Variants in RELN observed in about 807,000 individuals in gnomAD.
RELN encodes the protein reelin.
RELN carries 108 observed loss-of-function variants against 427.6 expected under a neutral mutation model. The ratio of observed to expected loss-of-function variants is 0.25; its 90% CI spans 0.22 to 0.30. The LOEUF (loss-of-function observed/expected upper bound fraction) is 0.30, where lower values mean the gene tolerates loss of function less well. Among genes scored for constraint, RELN ranks in the 10% least tolerant of loss-of-function variants. The pLI, the probability that RELN is intolerant of heterozygous loss-of-function variation, is 1.00. For synonymous variants in RELN, 1,524 were observed against 1,513.4 expected, an observed-to-expected ratio of 1.01 and a Z score of -0.16; for missense variants, 3,715 against 4,302.8, an observed-to-expected ratio of 0.86 and a Z score of 3.82.
intron 3 of RELN, among the ~76,000 whole-genome samples, chr7:103,777,395 G>C (rs1028655446): frequency 1.5e-4 from 23 of 152,082 alleles, no homozygotes; most frequent in Non-Finnish European, 2.4e-4. Flanking sequence ...TTGTCTCTAA[G>C]AAACTTGATT....
intron 46 of RELN, among the ~76,000 whole-genome samples, chr7:103,531,361 T>C (rs1040530195): frequency 6.6e-6 from 1 of 152,246 alleles, no homozygotes; most frequent in Non-Finnish European, 1.5e-5. Flanking sequence ...CTAATGTGTA[T>C]GGCAAGGAAT....
intron 1 of RELN, among the ~76,000 whole-genome samples, chr7:103,923,462 A>G (rs1795659072): frequency 6.8e-6 from 1 of 146,476 alleles, no homozygotes; most frequent in Non-Finnish European, 1.5e-5. Context: ...ACAACAGCAA[A>G]GAAAAAAAAA....
At chr7:103,715,078 G>A (rs1789904568) in intron 8 of RELN, among the ~76,000 whole-genome samples, 1 of 152,150 alleles carries the variant, frequency 6.6e-6, no homozygotes, top group Admixed American at 6.5e-5. Context: ...TAGACTTTAT[G>A]TCTATACCTC....
chr7:103,591,172 C>G (rs568339370), intron 27 of RELN, among the ~76,000 whole-genome samples: 2 of 152,312 alleles, frequency 1.3e-5, no homozygotes, highest in South Asian at 4.1e-4. Flanking sequence ...TACCTGCCAT[C>G]TTATATGAAT....
At chr7:103,849,148 T>A (rs1202711475) in intron 2 of RELN, among the ~76,000 whole-genome samples, 2 of 152,170 alleles carry the variant, frequency 1.3e-5, no homozygotes, top group Non-Finnish European at 2.9e-5. Context: ...TAATGAACAT[T>A]AATTAGTTTG....
chr7:103,507,081 A>G (rs1456207805), intron 51 of RELN, among the ~76,000 whole-genome samples: 1 of 152,156 alleles, frequency 6.6e-6, no homozygotes, highest in Admixed American at 6.5e-5. Context: ...ACACAATAAT[A>G]ATGGGAGATT....
intron 2 of RELN, among the ~76,000 whole-genome samples, chr7:103,840,002 A>G (rs1169460208): frequency 6.6e-6 from 1 of 151,970 alleles, no homozygotes; most frequent in Non-Finnish European, 1.5e-5. Context: ...AAAGTGTGTA[A>G]CACTTCTCTT....
rs565402795 is a variant in RELN, at chr7:103,558,519, G to T, written c.5530-470C>A. On this transcript the variant is annotated intron_variant, in intron 36 of 64. Coordinates refer to ENST00000428762, the MANE Select transcript of RELN (RefSeq NM_005045.4). ...TTTGCTCACTCTGACAGCCCCAGGGGCTCTCATTCAGGCTGACACAACAAC... is the reference window on the plus strand; with the variant it reads ...TTTGCTCACTCTGACAGCCCCAGGGTCTCTCATTCAGGCTGACACAACAAC... 2.0e-5 allele frequency among the ~76,000 whole-genome samples: 3 copies of T among 152,252 alleles called. No homozygotes were observed. The East Asian group carries it at 5.8e-4, about 29-fold the overall frequency.
rs980819957 is a variant in RELN at position 103,728,128 on chromosome 7, A to G, written c.736T>C (p.Tyr246His). The G allele has an allele frequency of 6.2e-7, 1 of 1,613,868 alleles. No individual in the cohort carries two copies. Residue 246 changes from tyrosine to histidine, a missense_variant, in exon 7 of 65, where the codon TAT (tyrosine) becomes CAT (histidine). Around this residue, in one of 4 missense-constraint regions of RELN, gnomAD observed 2,208 missense variants for 2,361.7 expected, o/e 0.93. Coordinates refer to ENST00000428762, the MANE Select transcript of RELN (RefSeq NM_005045.4). Reference protein sequence around the residue: ...HGNAVTFCEPYGPRELITTGL... With the variant: ...HGNAVTFCEPHGPRELITTGL... ...ATACTTACCAGTTCTCGTGGGCCAT[A>G]TGGTTCACAGAAGGTGACGGCATTG...
chr7:103,847,916 G>T (rs1793720421), intron 2 of RELN, among the ~76,000 whole-genome samples: 1 of 152,136 alleles, frequency 6.6e-6, no homozygotes, highest in Non-Finnish European at 1.5e-5. Context: ...GTTCTGGACA[G>T]GTAGCCAGCA....
chr7:103,677,134 C>T (rs756253675), intron 11 of RELN, among the ~76,000 whole-genome samples: 78 of 151,860 alleles, frequency 5.1e-4, no homozygotes, highest in Non-Finnish European at 9.0e-4. Context: ...AAGCTGGAAA[C>T]CATTATTCTC....
At chr7:103,680,763 T>C (rs565421163) in intron 11 of RELN, among the ~76,000 whole-genome samples, 3 of 152,070 alleles carry the variant, frequency 2.0e-5, no homozygotes, top group East Asian at 3.9e-4. Flanking sequence ...CAGTGGTTTC[T>C]GGCGTCTCAA....
At chr7:103,486,091 G>T in intron 61 of RELN, 106 bp downstream of exon 61, 1 of 1,035,146 alleles carries the variant, frequency 9.7e-7, no homozygotes, top group Non-Finnish European at 1.5e-6. Flanking sequence ...TCACTGCTTA[G>T]TGACATCTGT....
chr7:103,556,698 T>G (rs972985121), intron 38 of RELN, among the ~76,000 whole-genome samples: 8 of 152,214 alleles, frequency 5.3e-5, no homozygotes, highest in Non-Finnish European at 1.2e-4. Context: ...GCTGCTGCCA[T>G]GTAAGACATG....
intron 2 of RELN, among the ~76,000 whole-genome samples, chr7:103,882,656 T>C (rs903917223): frequency 2.6e-5 from 4 of 151,828 alleles, no homozygotes; most frequent in Admixed American, 2.6e-4. Context: ...GAGAATACTA[T>C]AAACACATCT....
At chr7:103,496,485 G>A in intron 56 of RELN, 41 bp downstream of exon 56, 1 of 1,613,638 alleles carries the variant, frequency 6.2e-7, no homozygotes, top group Non-Finnish European at 8.5e-7. Flanking sequence ...GCAGAAAAAT[G>A]GCTCACAGGA....
intron 20 of RELN, chr7:103,628,155 T>C (rs182553261): frequency 1.8e-4 from 28 of 152,350 alleles, no homozygotes; most frequent in African/African-American, 6.3e-4. Context: ...TTCAGAAGCA[T>C]AAAATTCTAA....
intron 8 of RELN, among the ~76,000 whole-genome samples, chr7:103,709,728 T>C (rs1050782470): frequency 2.0e-5 from 3 of 152,224 alleles, no homozygotes; most frequent in Admixed American, 1.3e-4. Context: ...ATATGAGTCA[T>C]AAACTGATGT....
chr7:103,743,851 C>G (rs977999321), intron 6 of RELN, among the ~76,000 whole-genome samples: 60 of 151,970 alleles, frequency 3.9e-4, no homozygotes, highest in Non-Finnish European at 7.7e-4. Context: ...TTAGACAGAT[C>G]AACAAGACAG....
Sources: allele counts gnomAD v4.1 joint callset (sites outside exome capture counted in the v4.1 genomes callset), GRCh38; gene constraint gnomAD v4.1.1; regional missense constraint gnomAD v4.1.1; transcripts MANE v1.5; gene names NCBI Gene and HGNC (gene_info 2026-07-23, HGNC 2026-07-21).